The following PARD3B variants were observed in gnomAD, a reference collection of about 807,000 sequenced individuals.
The protein encoded by PARD3B is par-3 family cell polarity regulator beta.
Under a neutral mutation model 130.2 loss-of-function variants are expected in PARD3B, and 103 were observed. That is an observed-to-expected ratio of 0.79 (90% CI 0.67 to 0.93). The LOEUF (loss-of-function observed/expected upper bound fraction) is 0.93, where lower values mean the gene tolerates loss of function less well. Ranked by LOEUF, PARD3B falls within the 40% of genes least tolerant of loss-of-function variation. PARD3B has a pLI of 0.00. For missense variants in PARD3B, 1,609 were observed against 1,499.2 expected (o/e 1.07, Z -1.21); for synonymous variants, 583 against 553.2 (o/e 1.05, Z -0.76).
intron 10 of PARD3B, among the ~76,000 whole-genome samples, chr2:205,141,464 G>C (rs2032945363): frequency 6.6e-6 from 1 of 152,086 alleles, no homozygotes; most frequent in Admixed American, 6.5e-5. Flanking sequence ...GGTTTAATTT[G>C]AACAGGGTAG....
intron 3 of PARD3B, among the ~76,000 whole-genome samples, chr2:205,002,037 C>T (rs951649820): frequency 6.6e-6 from 1 of 152,108 alleles, no homozygotes; most frequent in Non-Finnish European, 1.5e-5. Flanking sequence ...ATATTTACTC[C>T]ATTCCCTAAT....
In PARD3B at chr2:204,893,241, A is replaced by T. The variant is rs375145820; in HGVS notation, c.223-71911A>T. On this transcript the variant is annotated intron_variant, in intron 2 of 22. Coordinates refer to ENST00000406610, the MANE Select transcript of PARD3B (RefSeq NM_001302769.2). Reference sequence around the variant, plus strand: ...GAGGACTCTGAAAAATGGTAATTTGATTTGACAAGTTGGAGGTCACTGATC... The same window carrying T: ...GAGGACTCTGAAAAATGGTAATTTGTTTTGACAAGTTGGAGGTCACTGATC... Among the ~76,000 whole-genome samples, 59 of 152,306 alleles carry T rather than the reference A, an allele frequency of 3.9e-4. No homozygotes were observed. In the East Asian group the frequency reaches 9.5e-3, roughly 24 times the overall value.
chr2:204,731,816 G>A (rs2039520404), intron 2 of PARD3B, among the ~76,000 whole-genome samples: 1 of 152,160 alleles, frequency 6.6e-6, no homozygotes, highest in African/African-American at 2.4e-5. Context: ...TTCTTAGGTA[G>A]TGTAGTGTGG....
At chr2:204,672,691 G>A (rs909875143) in intron 1 of PARD3B, among the ~76,000 whole-genome samples, 1 of 152,106 alleles carries the variant, frequency 6.6e-6, no homozygotes. Context: ...AATTTTTGAC[G>A]TGTGAAAAAC....
At chr2:204,735,709 G>C (rs1223866863) in intron 2 of PARD3B, among the ~76,000 whole-genome samples, 1 of 152,180 alleles carries the variant, frequency 6.6e-6, no homozygotes, top group Non-Finnish European at 1.5e-5. Context: ...GTTAGACATA[G>C]TGGAATTTGG....
At chr2:205,566,564 A>G (rs917705061) in intron 22 of PARD3B, among the ~76,000 whole-genome samples, 1 of 152,154 alleles carries the variant, frequency 6.6e-6, no homozygotes, top group African/African-American at 2.4e-5. Flanking sequence ...TTTGGCAGGG[A>G]GAGATCATGG....
At chr2:204,866,986 C>G (rs563939720) in intron 2 of PARD3B, among the ~76,000 whole-genome samples, 2 of 151,984 alleles carry the variant, frequency 1.3e-5, no homozygotes, top group Admixed American at 1.3e-4. Flanking sequence ...GGAGAATCTC[C>G]TGAAACCAGG....
chr2:205,365,234 T>C (rs953389275), intron 18 of PARD3B, among the ~76,000 whole-genome samples: 8 of 149,964 alleles, frequency 5.3e-5, no homozygotes, highest in African/African-American at 1.5e-4. Context: ...GGGCATGGTA[T>C]GGTGGCAGGC....
At chr2:205,045,235 A>G (rs1698692229) in intron 3 of PARD3B, among the ~76,000 whole-genome samples, 2 of 150,018 alleles carry the variant, frequency 1.3e-5, no homozygotes, top group Admixed American at 6.7e-5. Flanking sequence ...AATACTTATC[A>G]TTATTATTAC....
At chr2:204,722,482 G>A (rs546065681) in intron 2 of PARD3B, among the ~76,000 whole-genome samples, 19 of 152,196 alleles carry the variant, frequency 1.2e-4, no homozygotes, top group African/African-American at 3.4e-4. Context: ...AATGCTTCTC[G>A]GAATAATCAT....
chr2:204,842,053 A>T (rs758824162), intron 2 of PARD3B, among the ~76,000 whole-genome samples: 42 of 152,290 alleles, frequency 2.8e-4, no homozygotes, highest in Non-Finnish European at 5.0e-4. Flanking sequence ...AAATTCCCCG[A>T]CTAAAAATCA....
At chr2:204,749,047 A>G (rs1421020329) in intron 2 of PARD3B, among the ~76,000 whole-genome samples, 1 of 152,140 alleles carries the variant, frequency 6.6e-6, no homozygotes, top group Non-Finnish European at 1.5e-5. Flanking sequence ...TCTCAAATTC[A>G]TAATTAATTG....
At chr2:204,835,583 G>A (rs1414858647) in intron 2 of PARD3B, among the ~76,000 whole-genome samples, 2 of 152,060 alleles carry the variant, frequency 1.3e-5, no homozygotes, top group Non-Finnish European at 2.9e-5. Context: ...TGGAAAGGGT[G>A]GTTTATTGAT....
chr2:205,552,098 T>C (rs1319626559), intron 21 of PARD3B, among the ~76,000 whole-genome samples: 4 of 152,190 alleles, frequency 2.6e-5, no homozygotes, highest in African/African-American at 7.2e-5. Flanking sequence ...CAATATCTTG[T>C]CATTAAGAAA....
At chr2:204,781,521 C>T (rs905110048) in intron 2 of PARD3B, among the ~76,000 whole-genome samples, 1 of 152,054 alleles carries the variant, frequency 6.6e-6, no homozygotes, top group African/African-American at 2.4e-5. Context: ...TTGATGTTTA[C>T]TTTTCATATC....
At chr2:205,202,558 T>C (rs1480582639) in intron 15 of PARD3B, among the ~76,000 whole-genome samples, 1 of 152,230 alleles carries the variant, frequency 6.6e-6, no homozygotes, top group Non-Finnish European at 1.5e-5. Flanking sequence ...AGGCCATCCC[T>C]GTCATACCCC....
chr2:204,800,858 G>A (rs2042542298), intron 2 of PARD3B, among the ~76,000 whole-genome samples: 1 of 152,124 alleles, frequency 6.6e-6, no homozygotes, highest in Admixed American at 6.6e-5. Context: ...TTACATTTAA[G>A]TCTTTAATCC....
intron 2 of PARD3B, among the ~76,000 whole-genome samples, chr2:204,901,133 G>C (rs1458049792): frequency 6.6e-6 from 1 of 152,120 alleles, no homozygotes; most frequent in South Asian, 2.1e-4. Flanking sequence ...TCAAGGCCCT[G>C]AGACTGCAGT....
chr2:205,028,228 T>C, intron 3 of PARD3B, among the ~76,000 whole-genome samples: 1 of 152,146 alleles, frequency 6.6e-6, no homozygotes, highest in African/African-American at 2.4e-5. Flanking sequence ...TTAATTTGAG[T>C]CTTCAATTTC....
Sources: gnomAD v4.1 joint callset for allele counts (sites outside exome capture counted in the v4.1 genomes callset) on GRCh38, gnomAD v4.1.1 for gene constraint, MANE v1.5 for transcripts, NCBI Gene and HGNC (gene_info 2026-07-23, HGNC 2026-07-21) for gene names.